SORL1: variants seen among roughly 807,000 people sequenced by gnomAD.
SORL1 encodes sortilin related receptor 1.
SORL1 carries 127 observed loss-of-function variants against 273.7 expected under a neutral mutation model. The ratio of observed to expected loss-of-function variants is 0.46; its 90% CI spans 0.40 to 0.54. The LOEUF is 0.54. SORL1 is among the 20% of genes least tolerant of loss of function. SORL1 has a pLI of 0.00. For missense variants in SORL1, 2,494 were observed against 2,846.1 expected, an observed-to-expected ratio of 0.88 and a Z score of 2.81; for synonymous variants, 1,031 against 1,067.4, an observed-to-expected ratio of 0.97 and a Z score of 0.66.
At chr11:121,526,123 T>C (rs1364961579) in intron 11 of SORL1, among the ~76,000 whole-genome samples, 4 of 152,214 alleles carry the variant, frequency 2.6e-5, no homozygotes, top group African/African-American at 9.6e-5. Flanking sequence ...ATATTTTGGA[T>C]TCAGGTCTTT....
At chr11:121,472,946 G>A (rs1861194520) in intron 2 of SORL1, among the ~76,000 whole-genome samples, 1 of 138,730 alleles carries the variant, frequency 7.2e-6, no homozygotes, top group African/African-American at 2.8e-5. Flanking sequence ...AGCAACAAGA[G>A]AGAAAACTCT....
intron 3 of SORL1, among the ~76,000 whole-genome samples, chr11:121,478,892 T>G (rs982040783): frequency 2.7e-5 from 4 of 150,212 alleles, no homozygotes; most frequent in Non-Finnish European, 5.9e-5. Context: ...GTGTGTGTGC[T>G]TGTGTGTGTG....
At position 121,619,831 on chromosome 11, in the gene SORL1, C is replaced by G; in HGVS notation, c.5803C>G (p.Pro1935Ala). ...GATGATCCCGGACAGCAGGCTTCCA[C>G]CCCGTCACCTGCATGTGGTTCATAC... ...VKMIPDSRLP[P>A]RHLHVVHTGK... The change falls in exon 43 of 48, where the codon CCC (proline) becomes GCC (alanine). Residue 1935 changes from proline to alanine, a missense_variant. Physicochemically the swap from Pro to Ala is conservative, Grantham distance 27. Around this residue, in one of 3 missense-constraint regions of SORL1, gnomAD observed 1,609 missense variants for 1,816.4 expected, o/e 0.89. Transcript: ENST00000260197. 1 of 1,613,882 alleles carries G rather than the reference C, an allele frequency of 6.2e-7. No homozygotes were observed. The highest frequency in any genetic ancestry group is 8.5e-7 in the Non-Finnish European group (1 of 1,179,718).
At position 121,545,242 on chromosome 11, in the gene SORL1, G is replaced by T. The variant is rs1230483897; in HGVS notation, c.1865-1G>T. The T allele has an allele frequency of 1.9e-6, 3 of 1,613,856 alleles. No individual in the cohort carries two copies. The highest frequency in any genetic ancestry group is 2.5e-6 in the Non-Finnish European group (3 of 1,179,908). Reference sequence around the variant, plus strand: ...TTCGTGCTGTGTTCCTTTTTCTTTAGGAGTTCCCTGCACAGAGAATGACTA... The same window carrying T: ...TTCGTGCTGTGTTCCTTTTTCTTTATGAGTTCCCTGCACAGAGAATGACTA... On this transcript the variant is annotated splice_acceptor_variant, in intron 13 of 47. Coordinates refer to ENST00000260197, the MANE Select transcript of SORL1 (RefSeq NM_003105.6). LOFTEE classifies it high-confidence loss of function.
chr11:121,534,149 C>A (rs778138274), intron 12 of SORL1, among the ~76,000 whole-genome samples: 1 of 152,174 alleles, frequency 6.6e-6, no homozygotes, highest in Non-Finnish European at 1.5e-5. Context: ...GTGTGTAATA[C>A]GCACGTAGGG....
chr11:121,462,664 G>A lies in SORL1; in HGVS notation c.286-7343G>A, dbSNP rs191555076. Among the ~76,000 whole-genome samples, 12 of 152,104 alleles carry A rather than the reference G, an allele frequency of 7.9e-5. No homozygotes were observed. The East Asian group carries it at 2.3e-3, about 29-fold the overall frequency. ...CAGTGGCATGATCATAGCTCACTGC[G>A]GCCTCGATCTCTTGGGCACAAGCGA... is the stretch of plus-strand genomic sequence containing the variant. On this transcript the variant is annotated intron_variant, in intron 1 of 47. Coordinates refer to ENST00000260197, the MANE Select transcript of SORL1 (RefSeq NM_003105.6).
Position 121,604,460 on chromosome 11 carries a change from C to A in SORL1, c.4651+136C>A, listed in dbSNP as rs1863439099. The A allele has an allele frequency of 2.5e-6, 3 of 1,214,876 alleles. No individual in the cohort carries two copies. The South Asian group carries it at 5.0e-5, about 20-fold the overall frequency. 75.3% of individuals were successfully genotyped at this position (1,214,876 alleles called of 1,614,324 possible). ...AATCTAAGGATAAAACAGATTTGTGCCTAGTTTTGGAGCCCCAAGTGAGGT... is the reference window on the plus strand; with the variant it reads ...AATCTAAGGATAAAACAGATTTGTGACTAGTTTTGGAGCCCCAAGTGAGGT... On this transcript the variant is annotated intron_variant, in intron 33 of 47. Coordinates refer to ENST00000260197, the MANE Select transcript of SORL1 (RefSeq NM_003105.6).
chr11:121,455,177 C>G (rs375192437), intron 1 of SORL1, among the ~76,000 whole-genome samples: 1 of 152,046 alleles, frequency 6.6e-6, no homozygotes, highest in East Asian at 1.9e-4. Flanking sequence ...CAAGCAGATG[C>G]AGATACAGGC....
At chr11:121,543,100 A>G (rs1232416215) in intron 12 of SORL1, among the ~76,000 whole-genome samples, 1 of 150,806 alleles carries the variant, frequency 6.6e-6, no homozygotes, top group African/African-American at 2.4e-5. Context: ...CTGAGGCAGG[A>G]GAATGGCGTG....
chr11:121,514,297 G>T lies in SORL1; in HGVS notation c.1187G>T (p.Gly396Val). ...AACGTGCTCTATTACAGCCCAGGAG[G>T]GGCCGGCAGTGACACCTTGGTGAGG... ...LENVLYYSPG[G>V]AGSDTLVRYF... Residue 396 changes from glycine (G) to valine (V), a missense_variant, in exon 8 of 48, where the codon GGG becomes GTG. By Grantham distance (109) the Gly-to-Val change is moderately radical. Coordinates refer to ENST00000260197, the MANE Select transcript of SORL1 (RefSeq NM_003105.6). The T allele has an allele frequency of 6.2e-7, 1 of 1,613,942 alleles. No individual in the cohort carries two copies.
chr11:121,627,922 A>T lies in SORL1; in HGVS notation c.6577+155A>T, dbSNP rs1863822711. On this transcript the variant is annotated intron_variant, in intron 47 of 47. Coordinates refer to ENST00000260197, the MANE Select transcript of SORL1 (RefSeq NM_003105.6). This position sits in a 1 kb window ranked among gnomAD's most constrained non-coding sequence, Gnocchi z 4.9. ...TGATTCCATGAGTTTTGGTTAAACC[A>T]TTCAGAGCCCTCACTTTTTAACTTT... Among the ~76,000 whole-genome samples the T allele has an allele frequency of 6.6e-6, 1 of 152,228 alleles. No individual in the cohort carries two copies. The highest frequency in any genetic ancestry group is 6.5e-5 in the Admixed American group (1 of 15,290).
chr11:121,558,442 T>G (rs886288791), intron 19 of SORL1, 149 bp from the exon 20 acceptor site: 2 of 756,874 alleles, frequency 2.6e-6, no homozygotes, highest in African/African-American at 3.5e-5. Flanking sequence ...TTAAGTAGTT[T>G]CAGGTGTTGT....
At chr11:121,496,772 A>C in intron 5 of SORL1, 97 bp from the exon 6 acceptor site, 132 of 854,638 alleles carry the variant, frequency 1.5e-4, no homozygotes, top group Non-Finnish European at 2.2e-4. Flanking sequence ...ACACCATGGT[A>C]GGCCTAAACT....
chr11:121,547,204 G>C (rs534608616), intron 14 of SORL1, among the ~76,000 whole-genome samples: 1 of 151,776 alleles, frequency 6.6e-6, no homozygotes, highest in African/African-American at 2.4e-5. Context: ...GCTTGAGACT[G>C]GAGAGGTCCT....
chr11:121,514,829 G>A (rs1861928047), intron 8 of SORL1, among the ~76,000 whole-genome samples: 1 of 152,186 alleles, frequency 6.6e-6, no homozygotes, highest in African/African-American at 2.4e-5. Flanking sequence ...GAGCTGTTTT[G>A]TAGTCCAGCA....
Position 121,559,595 on chromosome 11 carries a change from T to G in SORL1, c.2987T>G (p.Ile996Ser), listed in dbSNP as rs1347415696. The G allele has an allele frequency of 6.2e-7, 1 of 1,614,146 alleles. No individual in the cohort carries two copies. The highest frequency in any genetic ancestry group is 1.7e-5 in the Admixed American group (1 of 60,028). The change falls in exon 21 of 48, where the codon ATT becomes AGT. Residue 996 changes from isoleucine (I) to serine (S), a missense_variant. By Grantham distance (142) the Ile-to-Ser change is moderately radical. Around this residue, in one of 3 missense-constraint regions of SORL1, gnomAD observed 1,609 missense variants for 1,816.4 expected, o/e 0.89. Coordinates refer to ENST00000260197, the MANE Select transcript of SORL1 (RefSeq NM_003105.6). ...ASKYSGSQME[I>S]LANQLTGLMD... is the part of the protein sequence containing the mutation. Reference sequence around the variant, plus strand: ...AAATACAGTGGGTCCCAGATGGAGATTCTGGCAAACCAGCTCACGGGGCTC... The same window carrying G: ...AAATACAGTGGGTCCCAGATGGAGAGTCTGGCAAACCAGCTCACGGGGCTC...
rs373520371 is a variant in SORL1 at position 121,480,738 on chromosome 11, T to C, written c.528+2495T>C. 7.4e-3 allele frequency among the ~76,000 whole-genome samples: 1,002 copies of C among 136,256 alleles called. 5 individuals are homozygous for C. The highest frequency in any genetic ancestry group is 0.016 in the Middle Eastern group (4 of 246). 89.4% of individuals were successfully genotyped at this position (136,256 alleles called of 152,430 possible). On this transcript the variant is annotated intron_variant, in intron 3 of 47. Coordinates refer to ENST00000260197, the MANE Select transcript of SORL1 (RefSeq NM_003105.6). ...CCCAGCTCCTCCCCTAGTGCACAGA[T>C]ACCTATAGGCAAGCTCCATCTCCTC...
At chr11:121,459,067 C>G (rs1373997834) in intron 1 of SORL1, among the ~76,000 whole-genome samples, 2 of 152,182 alleles carry the variant, frequency 1.3e-5, no homozygotes, top group Non-Finnish European at 2.9e-5. Flanking sequence ...CCTGGACCCT[C>G]CGATGTGGCA....
chr11:121,457,143 T>C (rs1204372868), intron 1 of SORL1, among the ~76,000 whole-genome samples: 1 of 152,194 alleles, frequency 6.6e-6, no homozygotes. Context: ...GTGCCCAGTC[T>C]CTGGCCGCTT....
Sources: gnomAD v4.1 joint callset for allele counts (sites outside exome capture counted in the v4.1 genomes callset) on GRCh38, gnomAD v4.1.1 for gene constraint, gnomAD v4.1.1 regional missense constraint, Gnocchi (gnomAD v3.1) non-coding constraint, MANE v1.5 for transcripts, NCBI Gene and HGNC (gene_info 2026-07-23, HGNC 2026-07-21) for gene names.